The following WDPCP variants were observed in gnomAD, a reference collection of about 807,000 sequenced individuals.
WDPCP encodes the protein WD repeat containing planar cell polarity effector, also known as WD repeat-containing and planar cell polarity effector protein fritz homolog.
In WDPCP, 71 loss-of-function variants were observed where a neutral mutation model predicts 93.1. The ratio of observed to expected loss-of-function variants is 0.76; its 90% CI spans 0.63 to 0.93. The LOEUF (loss-of-function observed/expected upper bound fraction) is 0.93, where lower values mean the gene tolerates loss of function less well. Ranked by LOEUF, WDPCP falls within the 40% of genes least tolerant of loss-of-function variation. The pLI is 0.00. For missense variants in WDPCP, 844 were observed against 887.4 expected (o/e 0.95, Z 0.62); for synonymous variants, 315 against 315.0 (o/e 1.00, Z 0.00).
In WDPCP at chr2:63,558,163, A is replaced by T. The variant is rs181480552; in HGVS notation, c.75+30034T>A. Among the ~76,000 whole-genome samples the T allele has an allele frequency of 2.7e-5, 4 of 148,128 alleles. No individual in the cohort carries two copies. The East Asian group carries it at 5.9e-4, about 22-fold the overall frequency. ...GAGATAAGAGACATAAAAACCTCTT[A>T]AAAAAAAAAATCAATGAATCCAGTA... is the stretch of plus-strand genomic sequence containing the variant. On this transcript the variant is annotated intron_variant, in intron 1 of 17. Transcript: ENST00000272321.
At chr2:63,567,635 G>C (rs1027195856) in intron 1 of WDPCP, among the ~76,000 whole-genome samples, 1 of 152,086 alleles carries the variant, frequency 6.6e-6, no homozygotes, top group Non-Finnish European at 1.5e-5. Flanking sequence ...TAAAAGAGGC[G>C]TTCCCCAATC....
intron 17 of WDPCP, among the ~76,000 whole-genome samples, chr2:63,124,798 T>C (rs1196421438): frequency 2.6e-5 from 4 of 152,118 alleles, no homozygotes; most frequent in Non-Finnish European, 4.4e-5. Flanking sequence ...CTCATATGGG[T>C]TAAGTGTTTT....
At chr2:63,466,616 T>C (rs1429376359) in intron 6 of WDPCP, among the ~76,000 whole-genome samples, 1 of 152,224 alleles carries the variant, frequency 6.6e-6, no homozygotes, top group Non-Finnish European at 1.5e-5. Flanking sequence ...ATATAATTTA[T>C]TAAAGTCTTC....
intron 2 of WDPCP, among the ~76,000 whole-genome samples, chr2:63,809,512 C>G (rs987610602): frequency 1.3e-5 from 2 of 152,164 alleles, no homozygotes; most frequent in African/African-American, 4.8e-5. Flanking sequence ...GGATGGTTGC[C>G]GTGTCTGTGT....
At chr2:63,595,575 G>T in intron 3 of WDPCP, 1 of 1,119,890 alleles carries the variant, frequency 8.9e-7, no homozygotes, top group Non-Finnish European at 1.3e-6. Context: ...ACAAAATACA[G>T]GTTTTAGGTT....
intron 6 of WDPCP, among the ~76,000 whole-genome samples, chr2:63,453,349 A>G (rs1698388790): frequency 6.6e-6 from 1 of 152,250 alleles, no homozygotes; most frequent in Non-Finnish European, 1.5e-5. Context: ...AAAAATGCTC[A>G]TCATCACTGG....
chr2:63,714,055 C>CTTT (rs747120283), intron 2 of WDPCP, among the ~76,000 whole-genome samples: 1 of 135,094 alleles, frequency 7.4e-6, no homozygotes, highest in Non-Finnish European at 1.6e-5. Flanking sequence ...CTTTTTTATT[C>CTTT]TTTTTTTTTT....
intron 12 of WDPCP, among the ~76,000 whole-genome samples, chr2:63,331,493 A>G (rs1474192981): frequency 6.6e-6 from 1 of 152,218 alleles, no homozygotes; most frequent in Non-Finnish European, 1.5e-5. Flanking sequence ...ATTTCAGGAA[A>G]GATATCTCGA....
At chr2:63,235,614 A>G (rs1225679298) in intron 14 of WDPCP, among the ~76,000 whole-genome samples, 1 of 152,140 alleles carries the variant, frequency 6.6e-6, no homozygotes, top group Non-Finnish European at 1.5e-5. Flanking sequence ...ATTCTAACAC[A>G]TCAAATCCAG....
upstream of WDPCP, chr2:63,588,923 G>T (rs1709074482): frequency 2.2e-6 from 3 of 1,380,440 alleles, no homozygotes; most frequent in Middle Eastern, 3.6e-4. Context: ...CGCCGCGTCG[G>T]GAGCGGAGCC....
intron 2 of WDPCP, among the ~76,000 whole-genome samples, chr2:63,743,138 C>A (rs1405971764): frequency 6.6e-6 from 1 of 152,046 alleles, no homozygotes; most frequent in Admixed American, 6.6e-5. Flanking sequence ...AGATCTGTCC[C>A]ATTCCAGTGC....
At chr2:63,170,776 G>A (rs1361161621) in intron 15 of WDPCP, among the ~76,000 whole-genome samples, 2 of 152,000 alleles carry the variant, frequency 1.3e-5, no homozygotes, top group Admixed American at 1.3e-4. Context: ...TTATTTTTGT[G>A]GTATTGGCTA....
intron 2 of WDPCP, among the ~76,000 whole-genome samples, chr2:63,792,176 C>A (rs1670555388): frequency 1.3e-5 from 2 of 152,226 alleles, no homozygotes; most frequent in South Asian, 4.2e-4. Flanking sequence ...CTACCCAAGA[C>A]TGGGTAATAT....
upstream of WDPCP, among the ~76,000 whole-genome samples, chr2:63,831,683 GTATA>G (rs146615119): frequency 5.4e-5 from 8 of 148,288 alleles, no homozygotes; most frequent in African/African-American, 1.5e-4. Context: ...ATTTGTGTGT[GTATA>G]TATATATATA....
chr2:63,211,850 A>G (rs984636497), intron 14 of WDPCP, among the ~76,000 whole-genome samples: 1 of 152,202 alleles, frequency 6.6e-6, no homozygotes, highest in Non-Finnish European at 1.5e-5. Context: ...AATTCGATCA[A>G]GTGGAATAAA....
chr2:63,775,679 T>A (rs1396266911), intron 2 of WDPCP, among the ~76,000 whole-genome samples: 1 of 152,188 alleles, frequency 6.6e-6, no homozygotes, highest in Admixed American at 6.5e-5. Flanking sequence ...TATCTTAGAG[T>A]CTTTCTGGAA....
At chr2:63,833,128 C>T in the WDPCP span, among the ~76,000 whole-genome samples, 1 of 152,174 alleles carries the variant, frequency 6.6e-6, no homozygotes, top group South Asian at 2.1e-4. Context: ...TGGCAGGCGC[C>T]TGTAATCCCA....
At chr2:63,509,501 C>T (rs1047443823) in intron 1 of WDPCP, among the ~76,000 whole-genome samples, 12 of 152,064 alleles carry the variant, frequency 7.9e-5, no homozygotes, top group Admixed American at 1.3e-4. Flanking sequence ...AAAACTGACA[C>T]CCTAACATCA....
chr2:63,306,596 TA>T (rs538602857), intron 13 of WDPCP, among the ~76,000 whole-genome samples: 66 of 152,166 alleles, frequency 4.3e-4, no homozygotes, highest in African/African-American at 1.5e-3. Flanking sequence ...CATATGCAAA[TA>T]AATAAACGTA....
Sources: gnomAD v4.1 joint callset for allele counts (sites outside exome capture counted in the v4.1 genomes callset) on GRCh38, gnomAD v4.1.1 for gene constraint, MANE v1.5 for transcripts, NCBI Gene and HGNC (gene_info 2026-07-23, HGNC 2026-07-21) for gene names.